MACROD2: variants seen among roughly 807,000 people sequenced by gnomAD.
The protein encoded by MACROD2 is mono-ADP ribosylhydrolase 2.
Under a neutral mutation model 70.4 loss-of-function variants are expected in MACROD2, and 36 were observed. That is an observed-to-expected ratio of 0.51 (90% CI 0.39 to 0.68). The LOEUF (loss-of-function observed/expected upper bound fraction) is 0.68. Ranked by LOEUF, MACROD2 falls within the 30% of genes least tolerant of loss-of-function variation. The probability of loss-of-function intolerance (pLI) is 0.00; values close to 1 mark genes in which losing one functional copy is unlikely to be tolerated. For missense variants in MACROD2, 496 were observed against 538.4 expected (o/e 0.92, Z 0.78); for synonymous variants, 172 against 178.8 (o/e 0.96, Z 0.30).
chr20:15,502,286 C>T (rs565671171), intron 8 of MACROD2, among the ~76,000 whole-genome samples: 1 of 152,248 alleles, frequency 6.6e-6, no homozygotes, highest in African/African-American at 2.4e-5. Context: ...TGAGTTAAAA[C>T]ATTCCACACA....
At chr20:15,216,761 G>A (rs2076813933) in intron 5 of MACROD2, among the ~76,000 whole-genome samples, 1 of 152,090 alleles carries the variant, frequency 6.6e-6, no homozygotes, top group African/African-American at 2.4e-5. Context: ...ATCTTATTTT[G>A]AGAGTAAGCG....
chr20:14,418,179 G>A (rs575089835), intron 3 of MACROD2, among the ~76,000 whole-genome samples: 7 of 152,222 alleles, frequency 4.6e-5, no homozygotes, highest in African/African-American at 1.7e-4. Context: ...ATAGGACTTT[G>A]TTCCTTTACA....
chr20:15,639,777 G>A lies in MACROD2; in HGVS notation c.645+139930G>A, dbSNP rs114446042. The stretch of plus-strand genomic sequence containing the variant: ...CCTCTTTCCTACCACTGATGGGTTT[G>A]GGATATAGACCATGAGAAAAGAGAG... On this transcript the variant is annotated intron_variant, in intron 8 of 17. Coordinates refer to ENST00000684519, the MANE Select transcript of MACROD2 (RefSeq NM_001351661.2). Among the ~76,000 whole-genome samples the A allele has an allele frequency of 3.7e-3, 562 of 152,164 alleles. 5 individuals are homozygous for A. Among genetic ancestry groups the A allele is most frequent in the African/African-American group, 0.013 (535 of 41,506 alleles).
chr20:15,957,166 G>C (rs2065989089), intron 12 of MACROD2, among the ~76,000 whole-genome samples: 1 of 152,138 alleles, frequency 6.6e-6, no homozygotes, highest in South Asian at 2.1e-4. Context: ...ATAATGGGTA[G>C]AAAGGAGGAA....
rs369712596 is a variant in MACROD2, at chr20:15,094,882, T to C, written c.419-135058T>C. Among the ~76,000 whole-genome samples the C allele has an allele frequency of 2.5e-4, 38 of 152,150 alleles. No homozygotes were observed. In the East Asian group the frequency reaches 5.4e-3, roughly 22 times the overall value. On this transcript the variant is annotated intron_variant, in intron 5 of 17. Coordinates refer to ENST00000684519, the MANE Select transcript of MACROD2 (RefSeq NM_001351661.2). Reference sequence around the variant, plus strand: ...CATAGGGACATCAATGAGAGATCTATAACAGGAAAGATTATAGGCCTGGGA... The same window carrying C: ...CATAGGGACATCAATGAGAGATCTACAACAGGAAAGATTATAGGCCTGGGA...
chr20:14,950,276 C>T (rs1043169737), intron 5 of MACROD2, among the ~76,000 whole-genome samples: 1 of 152,040 alleles, frequency 6.6e-6, no homozygotes, highest in African/African-American at 2.4e-5. Context: ...TGCTGTCTTG[C>T]AGACACTGGT....
chr20:14,241,890 T>C (rs1378385953), intron 3 of MACROD2, among the ~76,000 whole-genome samples: 1 of 152,216 alleles, frequency 6.6e-6, no homozygotes, highest in Non-Finnish European at 1.5e-5. Flanking sequence ...GACCACCCAA[T>C]TGGTTCCTTC....
intron 6 of MACROD2, among the ~76,000 whole-genome samples, chr20:15,234,009 ATTCTTT>A (rs2076987515): frequency 1.0e-3 from 41 of 39,964 alleles, no homozygotes; most frequent in Non-Finnish European, 1.3e-3. Context: ...ATATATATAT[ATTCTTT>A]TTTTTTTTTT....
intron 6 of MACROD2, among the ~76,000 whole-genome samples, chr20:15,323,218 G>A (rs2049524524): frequency 6.6e-6 from 1 of 152,152 alleles, no homozygotes; most frequent in African/African-American, 2.4e-5. Flanking sequence ...GCTGGGAATT[G>A]TTATTCTTCA....
intron 6 of MACROD2, among the ~76,000 whole-genome samples, chr20:15,247,614 G>A (rs2077117884): frequency 6.6e-6 from 1 of 152,174 alleles, no homozygotes; most frequent in South Asian, 2.1e-4. Flanking sequence ...AACCCTGAAG[G>A]ATGGAAGCTT....
At chr20:14,054,080 G>A (rs1363480291) in intron 2 of MACROD2, among the ~76,000 whole-genome samples, 2 of 151,558 alleles carry the variant, frequency 1.3e-5, no homozygotes, top group Non-Finnish European at 2.9e-5. Context: ...GTATGTAATC[G>A]TACTCTTTCA....
At chr20:15,328,767 A>G (rs1430558420) in intron 6 of MACROD2, among the ~76,000 whole-genome samples, 1 of 152,144 alleles carries the variant, frequency 6.6e-6, no homozygotes, top group Non-Finnish European at 1.5e-5. Context: ...AATGTATCGA[A>G]ACCCTTAAAG....
At chr20:14,652,740 G>A (rs1985741750) in intron 4 of MACROD2, among the ~76,000 whole-genome samples, 1 of 152,104 alleles carries the variant, frequency 6.6e-6, no homozygotes, top group South Asian at 2.1e-4. Flanking sequence ...AAGGAAAATA[G>A]ATCTTTTCTG....
At chr20:14,804,398 C>A (rs929121573) in intron 5 of MACROD2, among the ~76,000 whole-genome samples, 1 of 152,008 alleles carries the variant, frequency 6.6e-6, no homozygotes, top group Non-Finnish European at 1.5e-5. Context: ...TGTAGAGGAT[C>A]TGAGCAGATG....
At chr20:14,795,638 C>G (rs1429663059) in intron 5 of MACROD2, among the ~76,000 whole-genome samples, 1 of 152,004 alleles carries the variant, frequency 6.6e-6, no homozygotes, top group African/African-American at 2.4e-5. Flanking sequence ...AGTTGAATAT[C>G]CAAGTTTGGA....
At chr20:14,366,324 A>T (rs1000019319) in intron 3 of MACROD2, among the ~76,000 whole-genome samples, 10 of 148,314 alleles carry the variant, frequency 6.7e-5, no homozygotes, top group Non-Finnish European at 1.3e-4. Flanking sequence ...TCTTCTTTAT[A>T]TATTTCTACT....
chr20:14,378,579 T>C (rs1177117214), intron 3 of MACROD2, among the ~76,000 whole-genome samples: 2 of 152,202 alleles, frequency 1.3e-5, no homozygotes, highest in Admixed American at 6.5e-5. Flanking sequence ...TTAACCTGTG[T>C]CTCAAAGTCT....
At chr20:14,520,401 C>T (rs964306779) in intron 4 of MACROD2, among the ~76,000 whole-genome samples, 3 of 151,844 alleles carry the variant, frequency 2.0e-5, no homozygotes, top group African/African-American at 7.3e-5. Context: ...TGATTTATTT[C>T]TTTGATGCTT....
At chr20:15,192,056 A>G (rs1006060834) in intron 5 of MACROD2, among the ~76,000 whole-genome samples, 18 of 138,372 alleles carry the variant, frequency 1.3e-4, no homozygotes, top group Non-Finnish European at 2.5e-4. Flanking sequence ...CTATCTATCT[A>G]TCTATCTAAA....
Sources: gnomAD v4.1 joint callset for allele counts (sites outside exome capture counted in the v4.1 genomes callset) on GRCh38, gnomAD v4.1.1 for gene constraint, MANE v1.5 for transcripts, NCBI Gene and HGNC (gene_info 2026-07-23, HGNC 2026-07-21) for gene names.